RAMP1: variants seen among roughly 807,000 people sequenced by gnomAD.
RAMP1 encodes receptor activity-modifying protein 1.
A neutral mutation model predicts 8.2 loss-of-function variants in RAMP1; 7 were observed. The ratio of observed to expected loss-of-function variants is 0.85; its 90% confidence interval spans 0.49 to 1.60. RAMP1 has a LOEUF of 1.60. Among genes scored for constraint, RAMP1 ranks in the 40% most tolerant of loss-of-function variants. RAMP1 has a pLI of 0.00. For missense variants in RAMP1, 192 were observed against 202.4 expected (o/e 0.95, Z 0.31); for synonymous variants, 92 against 84.7 (o/e 1.09, Z -0.47).
chr2:237,901,468 T>G (rs1198767709), intron 2 of RAMP1, among the ~76,000 whole-genome samples: 4 of 152,174 alleles, frequency 2.6e-5, no homozygotes, highest in Admixed American at 2.6e-4. Flanking sequence ...GACGTGACAT[T>G]TAAGCGAAGG....
intron 2 of RAMP1, among the ~76,000 whole-genome samples, chr2:237,889,984 G>A (rs1382201639): frequency 6.6e-6 from 1 of 152,196 alleles, no homozygotes; most frequent in Admixed American, 6.5e-5. Context: ...AGCATGCAGT[G>A]CCAAGTGGGG....
chr2:237,864,243 G>A (rs1027080684), intron 1 of RAMP1, among the ~76,000 whole-genome samples: 3 of 152,196 alleles, frequency 2.0e-5, no homozygotes, highest in South Asian at 2.1e-4. Context: ...ATCCCCACAC[G>A]AGTCTCAGGA....
intron 2 of RAMP1, among the ~76,000 whole-genome samples, chr2:237,898,001 G>A (rs980171920): frequency 5.9e-5 from 9 of 152,116 alleles, no homozygotes; most frequent in Non-Finnish European, 1.2e-4. Context: ...GTTTCACCAT[G>A]TTGGCCAGGC....
At position 237,911,609 on chromosome 2, in the gene RAMP1, G is replaced by A. The variant is rs773940324; in HGVS notation, c.273G>A (p.Arg91=). ...GCFWPNAEVD[R]FFLAVHGRYF... is the part of the protein sequence containing the mutation. The stretch of plus-strand genomic sequence containing the variant: ...TCTGGCCCAATGCAGAGGTGGACAG[G>A]TTCTTCCTGGCAGTGCATGGCCGCT... The change falls in exon 3 of 3, where the codon AGG becomes AGA. Residue 91 remains arginine (R), a synonymous_variant. Coordinates refer to ENST00000254661, the MANE Select transcript of RAMP1 (RefSeq NM_005855.4). The A allele has an allele frequency of 6.2e-7, 1 of 1,614,030 alleles. No individual in the cohort carries two copies.
chr2:237,909,272 C>G (rs1049907902), intron 2 of RAMP1, among the ~76,000 whole-genome samples: 4 of 152,190 alleles, frequency 2.6e-5, no homozygotes, highest in African/African-American at 9.6e-5. Context: ...AGCCCTCCAG[C>G]CTTCCCAAAC....
intron 2 of RAMP1, among the ~76,000 whole-genome samples, chr2:237,885,480 C>T (rs2062418713): frequency 6.6e-6 from 1 of 152,260 alleles, no homozygotes; most frequent in Admixed American, 6.5e-5. Context: ...GAACTTGCCA[C>T]ATGCCCACGA....
At chr2:237,886,000 G>T (rs534339538) in intron 2 of RAMP1, among the ~76,000 whole-genome samples, 1 of 152,226 alleles carries the variant, frequency 6.6e-6, no homozygotes, top group African/African-American at 2.4e-5. Context: ...GGAGAAGGGG[G>T]CAGAGGAGGA....
intron 2 of RAMP1, among the ~76,000 whole-genome samples, chr2:237,898,636 G>C (rs541920854): frequency 1.6e-4 from 25 of 152,184 alleles, no homozygotes; most frequent in Non-Finnish European, 1.5e-5. Flanking sequence ...AAAACAAAAG[G>C]TGCCCAGTTC....
Position 237,878,167 on chromosome 2 carries a change from G to A in RAMP1, c.191+805G>A. On this transcript the variant is annotated intron_variant, in intron 2 of 2. Transcript: ENST00000254661. This position sits in a 1 kb window ranked among gnomAD's most constrained non-coding sequence, Gnocchi z 5.7. ...CTGAAGGCCACCGCCTCCCTGCCAT[G>A]CAAACTTCGCACAGAGATCTGTCTG... The A allele has an allele frequency of 1.0e-6, 1 of 985,398 alleles. No individual in the cohort carries two copies. Among genetic ancestry groups the A allele is most frequent in the Non-Finnish European group, 1.2e-6 (1 of 829,870 alleles). 61.0% of individuals were successfully genotyped at this position (985,398 alleles called of 1,614,324 possible).
chr2:237,899,537 T>C (rs1326505398), intron 2 of RAMP1, among the ~76,000 whole-genome samples: 1 of 152,262 alleles, frequency 6.6e-6, no homozygotes, highest in Non-Finnish European at 1.5e-5. Flanking sequence ...TGTGATTTTG[T>C]AGTAACAGGT....
At position 237,912,040 on chromosome 2, in the gene RAMP1, C is replaced by G. The variant is rs1160507132; in HGVS notation, c.*257C>G. On this transcript the variant is annotated 3_prime_UTR_variant, in exon 3 of 3. Transcript: ENST00000254661. ...ACTTACCTCTGGAAAGGGTCCCAGC[C>G]TAGACTGCTTACCCCATAGCCACAT... The G allele has an allele frequency of 1.7e-6, 1 of 571,446 alleles. No homozygotes were observed. Among genetic ancestry groups the G allele is most frequent in the Non-Finnish European group, 3.1e-6 (1 of 325,360 alleles). 35.4% of individuals were successfully genotyped at this position (571,446 alleles called of 1,614,324 possible). A position where few individuals can be genotyped will look rare whatever the true frequency, so the allele number is the denominator to read the frequency against.
At chr2:237,890,754 G>C (rs2062480307) in intron 2 of RAMP1, among the ~76,000 whole-genome samples, 1 of 152,204 alleles carries the variant, frequency 6.6e-6, no homozygotes, top group Non-Finnish European at 1.5e-5. Flanking sequence ...ATATCCCTTA[G>C]ACTCAAGCTT....
rs1165356466 is a variant in RAMP1, at chr2:237,899,277, C to A, written c.192-12251C>A. Among the ~76,000 whole-genome samples, 4 of 152,078 alleles carry A rather than the reference C, an allele frequency of 2.6e-5. No homozygotes were observed. The East Asian group carries it at 7.7e-4, about 29-fold the overall frequency. On this transcript the variant is annotated intron_variant, in intron 2 of 2. Transcript: ENST00000254661. ...GTAGAGATGGGGTTTCACCGTGTTG[C>A]CCAGGCTGGTCGCGAACTCCTGACC...
chr2:237,896,671 G>A (rs1025904936), intron 2 of RAMP1, among the ~76,000 whole-genome samples: 1 of 152,182 alleles, frequency 6.6e-6, no homozygotes. Context: ...TTTAAGGCAG[G>A]GTCTCACTCT....
At chr2:237,873,552 C>T (rs1167147784) in intron 1 of RAMP1, among the ~76,000 whole-genome samples, 2 of 152,194 alleles carry the variant, frequency 1.3e-5, no homozygotes, top group African/African-American at 2.4e-5. Flanking sequence ...TGAACCCCCT[C>T]AAGCAACACT....
intron 2 of RAMP1, among the ~76,000 whole-genome samples, chr2:237,896,170 T>G (rs1479879524): frequency 6.6e-6 from 1 of 152,232 alleles, no homozygotes; most frequent in Non-Finnish European, 1.5e-5. Context: ...GGACACCCAC[T>G]GCATTTTAAA....
At chr2:237,901,934 C>T (rs559788351) in intron 2 of RAMP1, among the ~76,000 whole-genome samples, 1 of 152,192 alleles carries the variant, frequency 6.6e-6, no homozygotes, top group African/African-American at 2.4e-5. Flanking sequence ...ACTTCTGCCC[C>T]ATCCTGGGCA....
chr2:237,911,764 G>T lies in RAMP1; in HGVS notation c.428G>T (p.Arg143Leu), dbSNP rs370289745. 6.8e-6 allele frequency: 11 copies of T among 1,609,648 alleles called. No individual in the cohort carries two copies. The highest frequency in any genetic ancestry group is 7.6e-6 in the Non-Finnish European group (9 of 1,178,150). ...VTALVVWQSK[R>L]TEGIV The stretch of plus-strand genomic sequence containing the variant: ...GCACTGGTGGTCTGGCAGAGCAAGC[G>T]CACTGAGGGCATTGTGTAGGCGGGG... The change falls in exon 3 of 3, where the codon CGC (arginine) becomes CTC (leucine). Residue 143 changes from arginine to leucine, a missense_variant. By Grantham distance (102) the Arg-to-Leu change is moderately radical (BLOSUM62 -2). Transcript: ENST00000254661.
In RAMP1 at chr2:237,859,667, C is replaced by A. The variant is rs1312536588; in HGVS notation, c.-9C>A. On this transcript the variant is annotated 5_prime_UTR_variant, in exon 1 of 3. The change creates a new upstream start codon in the 5' untranslated region. Coordinates refer to ENST00000254661, the MANE Select transcript of RAMP1 (RefSeq NM_005855.4). The stretch of plus-strand genomic sequence containing the variant: ...GGCGAGCGGACTCGACTCGGCACCG[C>A]TGTGCACCATGGCCCGGGCCCTGTG... The A allele has an allele frequency of 2.0e-6, 3 of 1,497,880 alleles. No homozygotes were observed. In the South Asian group the frequency reaches 3.8e-5, roughly 19 times the overall value. 92.8% of individuals were successfully genotyped at this position (1,497,880 alleles called of 1,614,324 possible).
Sources: gnomAD v4.1 joint callset for allele counts (sites outside exome capture counted in the v4.1 genomes callset) on GRCh38, gnomAD v4.1.1 for gene constraint, Gnocchi (gnomAD v3.1) non-coding constraint, MANE v1.5 for transcripts, NCBI Gene and HGNC (gene_info 2026-07-23, HGNC 2026-07-21) for gene names.